The following ILRUN variants were observed in gnomAD, a reference collection of about 807,000 sequenced individuals.
The protein encoded by ILRUN is inflammation and lipid regulator with UBA-like and NBR1-like domains.
A neutral mutation model predicts 33.8 loss-of-function variants in ILRUN; 3 were observed. The observed-to-expected ratio is 0.09, with a 90% CI of 0.04 to 0.23. The LOEUF is 0.23. Among genes scored for constraint, ILRUN ranks in the 10% least tolerant of loss-of-function variants. The pLI, the probability that ILRUN is intolerant of heterozygous loss-of-function variation, is 1.00. For missense variants in ILRUN, 210 were observed against 375.1 expected, an observed-to-expected ratio of 0.56 and a Z score of 3.64; for synonymous variants, 124 against 138.9, an observed-to-expected ratio of 0.89 and a Z score of 0.75.
At chr6:34,605,988 T>A (rs554073233) in intron 4 of ILRUN, among the ~76,000 whole-genome samples, 1 of 152,156 alleles carries the variant, frequency 6.6e-6, no homozygotes, top group African/African-American at 2.4e-5. Flanking sequence ...GTTTAATCAA[T>A]TGGCATAGAA....
intron 1 of ILRUN, among the ~76,000 whole-genome samples, chr6:34,665,152 T>C (rs1309061999): frequency 1.2e-4 from 18 of 151,274 alleles, no homozygotes; most frequent in Non-Finnish European, 1.6e-4. Context: ...TTTTTTTTTT[T>C]TGGTAGAGAT....
Position 34,654,736 on chromosome 6 carries a change from G to C in ILRUN, c.202C>G (p.Pro68Ala). 6.2e-7 allele frequency: 1 copy of C among 1,613,798 alleles called. No homozygotes were observed. The highest frequency in any genetic ancestry group is 8.5e-7 in the Non-Finnish European group (1 of 1,179,896). ...GACATAGAGGGCACACTGATGTTTG[G>C]GCTCTCAAAGTCATAATAGGCGCCA... ...AIGAYYDFESPNISVPSMSFV... is the reference protein window; with the variant it reads ...AIGAYYDFESANISVPSMSFV... Residue 68 changes from proline to alanine, a missense_variant, in exon 2 of 5, where the codon CCA (proline) becomes GCA (alanine). By Grantham distance (27) the Pro-to-Ala change is conservative. Transcript: ENST00000374023.
At chr6:34,671,692 C>G (rs1462563171) in intron 1 of ILRUN, 2 of 152,212 alleles carry the variant, frequency 1.3e-5, no homozygotes, top group Non-Finnish European at 2.9e-5. Context: ...TGAATGCATG[C>G]ATTAGCCTCA....
chr6:34,617,584 G>A (rs564793282), intron 3 of ILRUN, among the ~76,000 whole-genome samples: 1 of 152,058 alleles, frequency 6.6e-6, no homozygotes, highest in East Asian at 1.9e-4. Flanking sequence ...GCACCTAAAG[G>A]GGAAAAGGCT....
intron 3 of ILRUN, among the ~76,000 whole-genome samples, chr6:34,610,078 A>G (rs992134646): frequency 6.6e-6 from 1 of 151,592 alleles, no homozygotes; most frequent in Non-Finnish European, 1.5e-5. Flanking sequence ...GGAGAATGGC[A>G]TGAACCCGGG....
chr6:34,696,364 GC>G, intron 1 of ILRUN, 81 bp downstream of exon 1: 2 of 1,419,994 alleles, frequency 1.4e-6, no homozygotes, highest in South Asian at 2.7e-5. Context: ...GGCTCGCCCT[GC>G]CGCCAAGCTC....
intron 1 of ILRUN, among the ~76,000 whole-genome samples, chr6:34,675,661 T>C (rs929883474): frequency 6.6e-6 from 1 of 152,040 alleles, no homozygotes; most frequent in African/African-American, 2.4e-5. Flanking sequence ...AAGTGCCACA[T>C]AGTAAAAAAC....
intron 4 of ILRUN, among the ~76,000 whole-genome samples, chr6:34,593,531 G>C (rs1761337417): frequency 1.3e-5 from 2 of 152,236 alleles, no homozygotes; most frequent in Non-Finnish European, 2.9e-5. Context: ...CTGGCCTTCA[G>C]ACCATTCAGT....
Position 34,606,647 on chromosome 6 carries a change from T to G in ILRUN, c.769A>C (p.Thr257Pro). 1 of 1,614,128 alleles carries G rather than the reference T, an allele frequency of 6.2e-7. No homozygotes were observed. Among genetic ancestry groups the G allele is most frequent in the Non-Finnish European group, 8.5e-7 (1 of 1,180,008 alleles). Residue 257 changes from threonine to proline, a missense_variant, in exon 4 of 5, where the codon ACT becomes CCT. Physicochemically the swap from Thr to Pro is conservative, Grantham distance 38. Transcript: ENST00000374023. Reference protein sequence around the residue: ...PDTWAPAPDQTEQDQNRLSQN... With the variant: ...PDTWAPAPDQPEQDQNRLSQN... ...GACAGTCTATTCTGGTCTTGCTCAG[T>G]TTGGTCAGGAGCAGGAGCCCATGTG...
intron 3 of ILRUN, among the ~76,000 whole-genome samples, chr6:34,643,395 C>T (rs1000979172): frequency 4.6e-5 from 7 of 152,032 alleles, no homozygotes; most frequent in African/African-American, 1.4e-4. Flanking sequence ...TATGACAATG[C>T]TCCTGCTCAT....
chr6:34,603,265 C>G (rs868032185), intron 4 of ILRUN, among the ~76,000 whole-genome samples: 8 of 152,330 alleles, frequency 5.3e-5, no homozygotes, highest in African/African-American at 1.4e-4. Context: ...GTAATCCCAG[C>G]ACTTTGGGAG....
intron 1 of ILRUN, among the ~76,000 whole-genome samples, chr6:34,684,255 T>C (rs1581556581): frequency 6.6e-6 from 1 of 152,198 alleles, no homozygotes; most frequent in East Asian, 1.9e-4. Context: ...CCTTCAATTG[T>C]TACCCATCTG....
At chr6:34,619,093 A>G (rs1375385858) in intron 3 of ILRUN, among the ~76,000 whole-genome samples, 1 of 152,198 alleles carries the variant, frequency 6.6e-6, no homozygotes, top group African/African-American at 2.4e-5. Flanking sequence ...TAATGGGGAT[A>G]GACAGCTACA....
intron 3 of ILRUN, among the ~76,000 whole-genome samples, chr6:34,639,861 A>T (rs1013356516): frequency 2.6e-5 from 4 of 152,210 alleles, no homozygotes; most frequent in Non-Finnish European, 1.5e-5. Context: ...TCTGGTCTTT[A>T]GTTTTCTCAT....
At chr6:34,597,426 G>T (rs902800969) in intron 4 of ILRUN, among the ~76,000 whole-genome samples, 2 of 152,166 alleles carry the variant, frequency 1.3e-5, no homozygotes, top group Non-Finnish European at 2.9e-5. Context: ...CATGAGAGAA[G>T]CTTATTCAAG....
At chr6:34,603,712 A>C (rs1761567076) in intron 4 of ILRUN, among the ~76,000 whole-genome samples, 1 of 152,226 alleles carries the variant, frequency 6.6e-6, no homozygotes, top group Non-Finnish European at 1.5e-5. Context: ...TCTATTGAGC[A>C]AATTCATACT....
chr6:34,656,388 G>A (rs1046287443), intron 1 of ILRUN, among the ~76,000 whole-genome samples: 2 of 152,130 alleles, frequency 1.3e-5, no homozygotes, highest in African/African-American at 2.4e-5. Flanking sequence ...GAGCAGAAGC[G>A]CGTGATTGTC....
intron 1 of ILRUN, among the ~76,000 whole-genome samples, chr6:34,690,788 A>T (rs75288267): frequency 0.012 from 1,847 of 151,682 alleles, 44 homozygotes; most frequent in African/African-American, 0.039. Context: ...AGGAAGGTTT[A>T]AACATAATTC....
At chr6:34,649,228 G>A (rs1415902615) in intron 2 of ILRUN, among the ~76,000 whole-genome samples, 3 of 152,152 alleles carry the variant, frequency 2.0e-5, no homozygotes, top group Non-Finnish European at 4.4e-5. Context: ...AATTCTTATA[G>A]TCACAACTGT....
Sources: gnomAD v4.1 joint callset for allele counts (sites outside exome capture counted in the v4.1 genomes callset) on GRCh38, gnomAD v4.1.1 for gene constraint, MANE v1.5 for transcripts, NCBI Gene and HGNC (gene_info 2026-07-23, HGNC 2026-07-21) for gene names.